Variants in C15orf40 observed in about 807,000 individuals in gnomAD.
C15orf40 encodes the protein chromosome 15 open reading frame 40, also known as UPF0235 protein C15orf40.
A neutral mutation model predicts 13.9 loss-of-function variants in C15orf40; 9 were observed. The ratio of observed to expected loss-of-function variants is 0.65; its 90% CI spans 0.39 to 1.13. The LOEUF is 1.13. C15orf40 is among the 50% of genes most tolerant of loss of function. The probability of loss-of-function intolerance (pLI) is 0.01; values close to 1 mark genes in which losing one functional copy is unlikely to be tolerated. For missense variants in C15orf40, 225 were observed against 188.5 expected (o/e 1.19, Z -1.13); for synonymous variants, 95 against 69.2 (o/e 1.37, Z -1.85).
chr15:82,990,709 TG>T, downstream of C15orf40: 2 of 1,421,546 alleles, frequency 1.4e-6, no homozygotes, highest in Non-Finnish European at 1.9e-6. Flanking sequence ...TGGTGGTGGT[TG>T]GGATAAGGGT....
At chr15:83,011,318 C>T (rs995551161) in intron 1 of C15orf40, 179 bp downstream of exon 1, 20 of 618,864 alleles carry the variant, frequency 3.2e-5, no homozygotes, top group Middle Eastern at 4.8e-4. Flanking sequence ...CCTACTGAGG[C>T]GGGGCGACGG....
At chr15:82,989,446 T>C (rs777308775), downstream of C15orf40, among the ~76,000 whole-genome samples, 1 of 152,276 alleles carries the variant, frequency 6.6e-6, no homozygotes, top group Non-Finnish European at 1.5e-5. Flanking sequence ...ATATTTTCAA[T>C]GCAAATCTAC....
At chr15:82,993,861 TTAG>T (rs1349873798), downstream of C15orf40, among the ~76,000 whole-genome samples, 1 of 152,202 alleles carries the variant, frequency 6.6e-6, no homozygotes, top group Non-Finnish European at 1.5e-5. Flanking sequence ...CATTTGGAAA[TTAG>T]TAGTGAATTT....
downstream of C15orf40, chr15:82,989,214 G>A (rs1567084623): frequency 3.7e-6 from 6 of 1,607,588 alleles, no homozygotes; most frequent in Non-Finnish European, 4.2e-6. Context: ...AATAAATGCA[G>A]ATAGTTGATC....
chr15:82,989,444 A>T (rs1429311041), downstream of C15orf40, among the ~76,000 whole-genome samples: 1 of 152,172 alleles, frequency 6.6e-6, no homozygotes, highest in African/African-American at 2.4e-5. Context: ...TAATATTTTC[A>T]ATGCAAATCT....
rs1462971783 is a variant in C15orf40, at chr15:83,002,799, G to A, written c.*2798C>T. ...AGATTCAGGGGAAGGAAAGAAAGCT[G>A]ATTTTTTTTTTTCTTGAGACGGAGT... On this transcript the variant is annotated 3_prime_UTR_variant, in exon 4 of 4. Transcript: ENST00000304177. 6.6e-6 allele frequency: 1 copy of A among 152,112 alleles called. No individual in the cohort carries two copies. The highest frequency in any genetic ancestry group is 1.5e-5 in the Non-Finnish European group (1 of 68,032). 9.4% of individuals were successfully genotyped at this position (152,112 alleles called of 1,614,324 possible). A position where few individuals can be genotyped will look rare whatever the true frequency, so the allele number is the denominator to read the frequency against.
At chr15:82,989,090 G>A, downstream of C15orf40, 1 of 1,613,714 alleles carries the variant, frequency 6.2e-7, no homozygotes, top group African/African-American at 1.3e-5. Context: ...AAAATGACAA[G>A]GAGTATCAGG....
rs1408884442 is a variant in C15orf40, at chr15:82,999,788, G to C, written c.*5809C>G. On this transcript the variant is annotated 3_prime_UTR_variant, in exon 4 of 4. Coordinates refer to ENST00000304177, the MANE Select transcript of C15orf40 (RefSeq NM_144597.3). ...ATGACCAGGGAGTACGTAACTTGTGGCTGCAAAGTTTGGGGATTCTTCCCT... is the reference window on the plus strand; with the variant it reads ...ATGACCAGGGAGTACGTAACTTGTGCCTGCAAAGTTTGGGGATTCTTCCCT... The C allele has an allele frequency of 6.6e-6, 1 of 152,154 alleles. No homozygotes were observed. Among genetic ancestry groups the C allele is most frequent in the African/African-American group, 2.4e-5 (1 of 41,434 alleles). 9.4% of individuals were successfully genotyped at this position (152,154 alleles called of 1,614,324 possible).
intron 2 of C15orf40, among the ~76,000 whole-genome samples, chr15:83,009,786 A>T (rs575555831): frequency 2.7e-4 from 41 of 152,314 alleles, no homozygotes; most frequent in African/African-American, 9.6e-4. Context: ...TGGACCCATG[A>T]ATGTTTTATA....
rs1222462988 is a variant in C15orf40, at chr15:82,996,219, C to T, written c.*9378G>A. 1 of 152,228 alleles carries T rather than the reference C, an allele frequency of 6.6e-6. No individual in the cohort carries two copies. The highest frequency in any genetic ancestry group is 2.4e-5 in the African/African-American group (1 of 41,456). 9.4% of individuals were successfully genotyped at this position (152,228 alleles called of 1,614,324 possible). A position where few individuals can be genotyped will look rare whatever the true frequency, so the allele number is the denominator to read the frequency against. ...TTTTTTCCACTGCTCGTGCCTTTAA[C>T]TCCCTAAAGAATCTCCAGTCTCTTT... On this transcript the variant is annotated 3_prime_UTR_variant, in exon 4 of 4. Coordinates refer to ENST00000304177, the MANE Select transcript of C15orf40 (RefSeq NM_144597.3).
rs1269362463 is a variant in C15orf40, at chr15:83,011,604, G to A, written c.4C>T (p.Leu2=). 1.9e-6 allele frequency: 3 copies of A among 1,580,756 alleles called. No individual in the cohort carries two copies. Among genetic ancestry groups the A allele is most frequent in the East Asian group, 2.3e-5 (1 of 43,288 alleles). The change falls in exon 1 of 4, where the codon CTG becomes TTG. Residue 2 remains leucine, a synonymous_variant. Coordinates refer to ENST00000304177, the MANE Select transcript of C15orf40 (RefSeq NM_144597.3). ...TGCCTCAGCCCGCTGCGGAGCCGCAGCATCCCCGCCTGGGAAGGCGCCGGA... is the reference window on the plus strand; with the variant it reads ...TGCCTCAGCCCGCTGCGGAGCCGCAACATCCCCGCCTGGGAAGGCGCCGGA... M[L]RLRSGLRHLR...
At chr15:83,008,254 C>T (rs34426565) in intron 3 of C15orf40, 25,572 of 297,330 alleles carry the variant, frequency 0.086, 1,475 homozygotes, top group Middle Eastern at 0.17. Context: ...CATGGTGGCT[C>T]ATACCTCTAA....
In C15orf40 at chr15:83,000,724, A is replaced by C. The variant is rs2031382855; in HGVS notation, c.*4873T>G. 1 of 152,282 alleles carries C rather than the reference A, an allele frequency of 6.6e-6. No individual in the cohort carries two copies. The highest frequency in any genetic ancestry group is 1.5e-5 in the Non-Finnish European group (1 of 68,056). The allele number at this position is 152,282 out of a possible 1,614,324, so 9.4% of individuals were successfully genotyped here. A position where few individuals can be genotyped will look rare whatever the true frequency, so the allele number is the denominator to read the frequency against. On this transcript the variant is annotated 3_prime_UTR_variant, in exon 4 of 4. Transcript: ENST00000304177. ...AATTTATACTCTGCATTACAGCTAA[A>C]GAACTATGTAACCAAATCCCTGGAA...
At chr15:82,991,809 C>A (rs1166298503), downstream of C15orf40, 26 of 1,112,590 alleles carry the variant, frequency 2.3e-5, no homozygotes, top group Middle Eastern at 4.6e-4. Context: ...CATCAGTAGG[C>A]AAGAAGCCAG....
Position 83,001,218 on chromosome 15 carries a change from C to T in C15orf40, c.*4379G>A. The T allele has an allele frequency of 4.1e-6, 4 of 985,472 alleles. No homozygotes were observed. Among genetic ancestry groups the T allele is most frequent in the Non-Finnish European group, 4.8e-6 (4 of 829,962 alleles). The allele number at this position is 985,472 out of a possible 1,614,324, so 61.0% of individuals were successfully genotyped here. A position where few individuals can be genotyped will look rare whatever the true frequency, so the allele number is the denominator to read the frequency against. ...CTCACAGAAATCAGAAGTCTGAAAT[C>T]TCTGCTCCTGCCTCCAGGGCATAAT... On this transcript the variant is annotated 3_prime_UTR_variant, in exon 4 of 4. Transcript: ENST00000304177.
chr15:83,011,241 A>C (rs2031991654), intron 1 of C15orf40: 1 of 401,362 alleles, frequency 2.5e-6, no homozygotes, highest in Non-Finnish European at 4.5e-6. Context: ...CAGCACACGC[A>C]GCCCAAGGAG....
chr15:83,009,589 A>G (rs2031884929), intron 2 of C15orf40, among the ~76,000 whole-genome samples: 1 of 152,164 alleles, frequency 6.6e-6, no homozygotes, highest in South Asian at 2.1e-4. Flanking sequence ...TTCCTTTAGA[A>G]TCCCTTCCCC....
rs2031831859 is a variant in C15orf40 at position 83,008,636 on chromosome 15, G to T, written c.278C>A (p.Pro93His). ...AEAVNVAIAA[P>H]PSEGEANAEL... ...AGCATTAGCCTCTCCCTCTGATGGA[G>T]GTGCTGCAATAGCTACATTTACAGC... Residue 93 changes from proline (P) to histidine (H), a missense_variant, in exon 3 of 4, where the codon CCT becomes CAT. Coordinates refer to ENST00000304177, the MANE Select transcript of C15orf40 (RefSeq NM_144597.3). The T allele has an allele frequency of 2.5e-6, 4 of 1,613,100 alleles. No individual in the cohort carries two copies. In the East Asian group the frequency reaches 8.9e-5, roughly 36 times the overall value.
intron 2 of C15orf40, 113 bp downstream of exon 2, chr15:83,010,124 G>A: frequency 1.4e-6 from 2 of 1,382,872 alleles, no homozygotes; most frequent in South Asian, 1.5e-5. Context: ...GCCTCTAACT[G>A]CAGATGTGAA....
Sources: allele counts gnomAD v4.1 joint callset (sites outside exome capture counted in the v4.1 genomes callset), GRCh38; gene constraint gnomAD v4.1.1; transcripts MANE v1.5; gene names NCBI Gene and HGNC (gene_info 2026-07-23, HGNC 2026-07-21).